Variants in SLC23A2 observed in about 807,000 individuals in gnomAD.
The protein encoded by SLC23A2 is Na(+)/L-ascorbic acid transporter 2.
Under a neutral mutation model 73.3 loss-of-function variants are expected in SLC23A2, and 36 were observed. The ratio of observed to expected loss-of-function variants is 0.49; its 90% CI spans 0.38 to 0.65. The LOEUF (loss-of-function observed/expected upper bound fraction) is 0.65. Among genes scored for constraint, SLC23A2 ranks in the 30% least tolerant of loss-of-function variants. The pLI is 0.00. For synonymous variants in SLC23A2, 343 were observed against 327.3 expected, an observed-to-expected ratio of 1.05 and a Z score of -0.52; for missense variants, 507 against 841.6, an observed-to-expected ratio of 0.60 and a Z score of 4.92.
chr20:4,909,463 C>G (rs530198065), intron 4 of SLC23A2, among the ~76,000 whole-genome samples: 1 of 152,062 alleles, frequency 6.6e-6, no homozygotes, highest in Non-Finnish European at 1.5e-5. Context: ...TACTATTAGA[C>G]AATCATGTTA....
chr20:4,943,283 A>G (rs775617308), intron 2 of SLC23A2, among the ~76,000 whole-genome samples: 2 of 152,064 alleles, frequency 1.3e-5, no homozygotes, highest in Admixed American at 6.6e-5. Context: ...AAAAACCCAC[A>G]CTTCTCCAAA....
intron 15 of SLC23A2, 121 bp downstream of exon 15, chr20:4,861,827 A>G: frequency 1.1e-6 from 1 of 949,470 alleles, no homozygotes; most frequent in Admixed American, 2.3e-5. Context: ...AGAGATCCAC[A>G]GACGCATCTG....
chr20:4,945,127 C>T (rs945656347), intron 2 of SLC23A2, among the ~76,000 whole-genome samples: 16 of 152,094 alleles, frequency 1.1e-4, no homozygotes, highest in African/African-American at 3.9e-4. Context: ...CTGATCCTAG[C>T]TATAATTATT....
intron 4 of SLC23A2, among the ~76,000 whole-genome samples, chr20:4,910,037 C>T (rs1932087299): frequency 1.3e-5 from 2 of 152,146 alleles, no homozygotes; most frequent in Admixed American, 1.3e-4. Flanking sequence ...AGCTTACATG[C>T]CACTCTGCTC....
upstream of SLC23A2, among the ~76,000 whole-genome samples, chr20:5,002,686 T>TA (rs1197709522): frequency 6.6e-6 from 1 of 152,260 alleles, no homozygotes; most frequent in Non-Finnish European, 1.5e-5. Flanking sequence ...GTCTTGACAA[T>TA]AATGTGTCTT....
chr20:4,949,506 C>A (rs992062987), intron 2 of SLC23A2, among the ~76,000 whole-genome samples: 2 of 152,072 alleles, frequency 1.3e-5, no homozygotes, highest in Non-Finnish European at 2.9e-5. Context: ...GCGGTGCCTT[C>A]TAAGAAGTGC....
intron 1 of SLC23A2, among the ~76,000 whole-genome samples, chr20:4,976,397 C>T (rs771693351): frequency 6.6e-6 from 1 of 152,072 alleles, no homozygotes; most frequent in Non-Finnish European, 1.5e-5. Context: ...CCTCCCCGGC[C>T]GGGCACGGTG....
At chr20:5,008,256 T>C (rs575076516) in intron 1 of SLC23A2, among the ~76,000 whole-genome samples, 1 of 152,224 alleles carries the variant, frequency 6.6e-6, no homozygotes, top group South Asian at 2.1e-4. Context: ...TCAGTGGCAT[T>C]AAGTGCCACT....
chr20:4,987,415 G>A (rs1242160709), intron 1 of SLC23A2, among the ~76,000 whole-genome samples: 2 of 152,068 alleles, frequency 1.3e-5, no homozygotes, highest in African/African-American at 4.8e-5. Context: ...GAAACTCCTC[G>A]CAGCAAGAAA....
In SLC23A2 at chr20:4,863,303, G is replaced by A. The variant is rs1024266197; in HGVS notation, c.1357-396C>T. ...CACCGGAAATCAGACCAAACCCCCAGACATGTCTGGAACCTCCTCTCCTCA... is the reference window on the plus strand; with the variant it reads ...CACCGGAAATCAGACCAAACCCCCAAACATGTCTGGAACCTCCTCTCCTCA... On this transcript the variant is annotated intron_variant, in intron 13 of 16. Coordinates refer to ENST00000338244, the MANE Select transcript of SLC23A2 (RefSeq NM_005116.6). The surrounding 1 kb of genome is among the most constrained non-coding windows in gnomAD (Gnocchi z 4.8). 5.3e-5 allele frequency among the ~76,000 whole-genome samples: 8 copies of A among 152,198 alleles called. No individual in the cohort carries two copies. The highest frequency in any genetic ancestry group is 1.2e-4 in the Non-Finnish European group (8 of 68,034).
At chr20:4,988,965 G>A (rs1044155543) in intron 1 of SLC23A2, among the ~76,000 whole-genome samples, 4 of 151,500 alleles carry the variant, frequency 2.6e-5, no homozygotes, top group Non-Finnish European at 4.4e-5. Context: ...GGCCGGGCGC[G>A]GTGGCTCACA....
At chr20:4,953,237 T>C (rs1336761507) in intron 2 of SLC23A2, among the ~76,000 whole-genome samples, 6 of 151,504 alleles carry the variant, frequency 4.0e-5, no homozygotes. Context: ...ACCCGGGAGA[T>C]GGAGACTGCA....
chr20:4,878,904 G>C (rs1027552938), intron 9 of SLC23A2, among the ~76,000 whole-genome samples: 2 of 152,174 alleles, frequency 1.3e-5, no homozygotes, highest in African/African-American at 4.8e-5. Flanking sequence ...CTACAGGCAA[G>C]TCACCATCCC....
rs1466490702 is a variant in SLC23A2, at chr20:4,852,941, T to C, written c.*4031A>G. 2 of 152,636 alleles carry C rather than the reference T, an allele frequency of 1.3e-5. No individual in the cohort carries two copies. Among genetic ancestry groups the C allele is most frequent in the Admixed American group, 6.5e-5 (1 of 15,276 alleles). 9.5% of individuals were successfully genotyped at this position (152,636 alleles called of 1,614,324 possible). A position where few individuals can be genotyped will look rare whatever the true frequency, so the allele number is the denominator to read the frequency against. On this transcript the variant is annotated 3_prime_UTR_variant, in exon 17 of 17. Coordinates refer to ENST00000338244, the MANE Select transcript of SLC23A2 (RefSeq NM_005116.6). The surrounding 1 kb of genome is among the most constrained non-coding windows in gnomAD (Gnocchi z 4.3). Reference sequence around the variant, plus strand: ...AACGCTAATGTGCCTTATGGGTCCATGGGCAGACGCTGAACGCTGGCAAAA... The same window carrying C: ...AACGCTAATGTGCCTTATGGGTCCACGGGCAGACGCTGAACGCTGGCAAAA...
chr20:4,963,667 G>C (rs1276422503), intron 2 of SLC23A2, among the ~76,000 whole-genome samples: 3 of 152,076 alleles, frequency 2.0e-5, no homozygotes, highest in Non-Finnish European at 4.4e-5. Context: ...GCCCAACATG[G>C]TGAAAACTCG....
Position 4,998,079 on chromosome 20 carries a change from G to A in SLC23A2, c.-282+3327C>T, listed in dbSNP as rs1034883984. 6.6e-6 allele frequency among the ~76,000 whole-genome samples: 1 copy of A among 152,166 alleles called. No individual in the cohort carries two copies. The highest frequency in any genetic ancestry group is 2.4e-5 in the African/African-American group (1 of 41,458). On this transcript the variant is annotated intron_variant, in intron 1 of 16. Transcript: ENST00000338244. This position sits in a 1 kb window ranked among gnomAD's most constrained non-coding sequence, Gnocchi z 4.1. ...GAATTATACGAAACAAATTTCCGTT[G>A]TTTAAGCCACCCACACTGTGCTATT... is the stretch of plus-strand genomic sequence containing the variant.
intron 5 of SLC23A2, among the ~76,000 whole-genome samples, chr20:4,901,576 G>A (rs6052962): frequency 0.063 from 9,627 of 152,174 alleles, 416 homozygotes; most frequent in African/African-American, 0.12. Flanking sequence ...CAAAGACGCC[G>A]GAGGCCTCCA....
chr20:4,861,837 G>T, intron 15 of SLC23A2, 111 bp downstream of exon 15: 1 of 1,076,262 alleles, frequency 9.3e-7, no homozygotes, highest in Non-Finnish European at 1.4e-6. Context: ...AGACGCATCT[G>T]CACCACAGCT....
intron 2 of SLC23A2, among the ~76,000 whole-genome samples, chr20:4,958,091 A>G (rs1388434494): frequency 6.6e-6 from 1 of 152,148 alleles, no homozygotes; most frequent in East Asian, 1.9e-4. Context: ...CACTGTGAAG[A>G]CTGTCTGCAC....
Sources: allele counts gnomAD v4.1 joint callset (sites outside exome capture counted in the v4.1 genomes callset), GRCh38; gene constraint gnomAD v4.1.1; non-coding constraint Gnocchi (gnomAD v3.1); transcripts MANE v1.5; gene names NCBI Gene and HGNC (gene_info 2026-07-23, HGNC 2026-07-21).